Variants in LHFPL3 observed in about 807,000 individuals in gnomAD.
LHFPL3 encodes the protein LHFPL tetraspan subfamily member 3.
Under a neutral mutation model 19.3 loss-of-function variants are expected in LHFPL3, and 5 were observed. That is an observed-to-expected ratio of 0.26 (90% CI 0.14 to 0.54). LHFPL3 has a LOEUF of 0.54. Among genes scored for constraint, LHFPL3 ranks in the 20% least tolerant of loss-of-function variants. LHFPL3 has a pLI of 0.94. For missense variants in LHFPL3, 249 were observed against 307.4 expected, an observed-to-expected ratio of 0.81 and a Z score of 1.42; for synonymous variants, 133 against 126.2, an observed-to-expected ratio of 1.05 and a Z score of -0.36.
At chr7:104,333,421 G>A (rs936647587) in intron 1 of LHFPL3, among the ~76,000 whole-genome samples, 2 of 152,128 alleles carry the variant, frequency 1.3e-5, no homozygotes, top group African/African-American at 4.8e-5. Context: ...TTCTTATTAA[G>A]GAGAGATGAG....
At chr7:104,658,953 G>C (rs761539460) in intron 1 of LHFPL3, among the ~76,000 whole-genome samples, 2 of 152,208 alleles carry the variant, frequency 1.3e-5, no homozygotes, top group Non-Finnish European at 2.9e-5. Flanking sequence ...GAAGGAGTGA[G>C]CATAACTAAC....
chr7:104,715,692 A>G (rs1402687542), intron 1 of LHFPL3, among the ~76,000 whole-genome samples: 1 of 152,218 alleles, frequency 6.6e-6, no homozygotes, highest in Non-Finnish European at 1.5e-5. Flanking sequence ...GGCATATCAC[A>G]TTGACTGATT....
intron 1 of LHFPL3, among the ~76,000 whole-genome samples, chr7:104,506,760 C>T (rs1457123179): frequency 1.3e-5 from 2 of 152,116 alleles, no homozygotes. Flanking sequence ...AAAATTTTAC[C>T]AGGAGTATCC....
chr7:104,882,329 C>A (rs535640561), intron 2 of LHFPL3, among the ~76,000 whole-genome samples: 1 of 152,296 alleles, frequency 6.6e-6, no homozygotes, highest in East Asian at 1.9e-4. Context: ...CTCACTGCAG[C>A]CTTCACCTCC....
chr7:104,433,750 C>T (rs189149117), intron 1 of LHFPL3, among the ~76,000 whole-genome samples: 1 of 152,264 alleles, frequency 6.6e-6, no homozygotes, highest in Non-Finnish European at 1.5e-5. Flanking sequence ...TAAGACCAGT[C>T]TCTTTCTCTG....
At chr7:104,769,431 CT>C (rs1179488363) in intron 2 of LHFPL3, among the ~76,000 whole-genome samples, 3 of 152,124 alleles carry the variant, frequency 2.0e-5, no homozygotes, top group East Asian at 3.8e-4. Context: ...AACACTAAAA[CT>C]TTTTGACCTA....
At chr7:104,510,316 A>G (rs972504251) in intron 1 of LHFPL3, among the ~76,000 whole-genome samples, 1 of 152,196 alleles carries the variant, frequency 6.6e-6, no homozygotes, top group Non-Finnish European at 1.5e-5. Context: ...GAATCCATAT[A>G]TTCAATCTCA....
chr7:104,670,761 T>C (rs905852986), intron 1 of LHFPL3, among the ~76,000 whole-genome samples: 35 of 152,292 alleles, frequency 2.3e-4, no homozygotes, highest in African/African-American at 7.9e-4. Flanking sequence ...GAGCCTTTCT[T>C]ACAACCTTGA....
At position 104,811,956 on chromosome 7, in the gene LHFPL3, A is replaced by G. The variant is rs115888594; in HGVS notation, c.682+75045A>G. Among the ~76,000 whole-genome samples the G allele has an allele frequency of 4.3e-3, 655 of 152,350 alleles. 12 individuals carry two copies. The highest frequency in any genetic ancestry group is 0.015 in the African/African-American group (629 of 41,572). On this transcript the variant is annotated intron_variant, in intron 2 of 2. Coordinates refer to ENST00000424859, the MANE Select transcript of LHFPL3 (RefSeq NM_199000.3). Reference sequence around the variant, plus strand: ...TGTCCCCCCAACAAAAAAGATTTAAAATATTATTTGATAATTTGTTAACCT... The same window carrying G: ...TGTCCCCCCAACAAAAAAGATTTAAGATATTATTTGATAATTTGTTAACCT...
intron 1 of LHFPL3, among the ~76,000 whole-genome samples, chr7:104,560,629 C>A (rs1410823239): frequency 1.4e-5 from 2 of 140,516 alleles, no homozygotes; most frequent in East Asian, 3.9e-4. Context: ...TTCAGAAAAC[C>A]AGCTCTTGGA....
intron 1 of LHFPL3, among the ~76,000 whole-genome samples, chr7:104,464,816 G>A (rs904730215): frequency 8.5e-5 from 13 of 152,064 alleles, no homozygotes; most frequent in Non-Finnish European, 1.5e-5. Flanking sequence ...CTGCTGTGAA[G>A]ATCTCTGACT....
intron 1 of LHFPL3, among the ~76,000 whole-genome samples, chr7:104,516,058 C>A (rs977831359): frequency 1.3e-5 from 2 of 152,020 alleles, no homozygotes; most frequent in Non-Finnish European, 1.5e-5. Context: ...AAGACATACC[C>A]AAGACTGGGT....
intron 1 of LHFPL3, among the ~76,000 whole-genome samples, chr7:104,545,586 G>A (rs148434746): frequency 5.3e-5 from 8 of 152,184 alleles, no homozygotes; most frequent in African/African-American, 4.8e-5. Context: ...TTTCCTCCAG[G>A]TGAGTTTGTT....
chr7:104,819,227 T>C (rs1197763417), intron 2 of LHFPL3, among the ~76,000 whole-genome samples: 1 of 152,138 alleles, frequency 6.6e-6, no homozygotes, highest in African/African-American at 2.4e-5. Context: ...TAATAATAAT[T>C]CTAAAACAGA....
At chr7:104,575,723 G>A (rs1238610516) in intron 1 of LHFPL3, among the ~76,000 whole-genome samples, 1 of 151,962 alleles carries the variant, frequency 6.6e-6, no homozygotes, top group Non-Finnish European at 1.5e-5. Context: ...ACGGCTCACT[G>A]CAACCTCCAC....
chr7:104,853,262 G>C (rs549119575), intron 2 of LHFPL3, among the ~76,000 whole-genome samples: 1 of 152,296 alleles, frequency 6.6e-6, no homozygotes, highest in East Asian at 1.9e-4. Context: ...CTCGAGTCAG[G>C]GGACAATGAG....
At chr7:104,834,696 A>G (rs559814276) in intron 2 of LHFPL3, among the ~76,000 whole-genome samples, 39 of 152,162 alleles carry the variant, frequency 2.6e-4, no homozygotes, top group African/African-American at 2.9e-4. Flanking sequence ...TGACTTGTCA[A>G]TTAAACACAT....
At position 104,332,794 on chromosome 7, in the gene LHFPL3, G is replaced by T. The variant is rs897187562; in HGVS notation, c.445+3570G>T. Among the ~76,000 whole-genome samples, 4 of 151,982 alleles carry T rather than the reference G, an allele frequency of 2.6e-5. No individual in the cohort carries two copies. In the South Asian group the frequency reaches 8.3e-4, roughly 32 times the overall value. On this transcript the variant is annotated intron_variant, in intron 1 of 2. Transcript: ENST00000424859. ...ATGAAACTAGGAAGCACAGAATTAG[G>T]AGCTAATATATCATACTATCTTTGG...
chr7:104,427,780 G>T (rs1012504644), intron 1 of LHFPL3, among the ~76,000 whole-genome samples: 3 of 152,158 alleles, frequency 2.0e-5, no homozygotes, highest in Non-Finnish European at 4.4e-5. Context: ...AAAACATCTG[G>T]TTCTTCAAAT....
Sources: allele counts gnomAD v4.1 joint callset (sites outside exome capture counted in the v4.1 genomes callset), GRCh38; gene constraint gnomAD v4.1.1; transcripts MANE v1.5; gene names NCBI Gene and HGNC (gene_info 2026-07-23, HGNC 2026-07-21).